Variants in XRN1 observed in about 807,000 individuals in gnomAD.
XRN1 encodes the protein strand-exchange protein 1 homolog.
A neutral mutation model predicts 222.3 loss-of-function variants in XRN1; 67 were observed. That is an observed-to-expected ratio of 0.30 (90% CI 0.25 to 0.37). The LOEUF (loss-of-function observed/expected upper bound fraction) is 0.37. XRN1 is among the 10% of genes least tolerant of loss of function. XRN1 has a pLI of 1.00. For synonymous variants in XRN1, 643 were observed against 652.4 expected, an observed-to-expected ratio of 0.99 and a Z score of 0.22; for missense variants, 1,707 against 2,000.2, an observed-to-expected ratio of 0.85 and a Z score of 2.80.
At chr3:142,413,176 A>G (rs567246827) in intron 14 of XRN1, among the ~76,000 whole-genome samples, 1 of 152,350 alleles carries the variant, frequency 6.6e-6, no homozygotes, top group South Asian at 2.1e-4. Flanking sequence ...AAATAGTCCA[A>G]TAACACATTT....
intron 2 of XRN1, among the ~76,000 whole-genome samples, chr3:142,428,541 T>G (rs191698110): frequency 1.3e-5 from 2 of 152,228 alleles, no homozygotes; most frequent in East Asian, 1.9e-4. Context: ...TAATCTAGAT[T>G]AAGATAATGG....
At chr3:142,322,024 C>T (rs1271325037) in intron 37 of XRN1, among the ~76,000 whole-genome samples, 1 of 152,152 alleles carries the variant, frequency 6.6e-6, no homozygotes, top group Non-Finnish European at 1.5e-5. Context: ...GTGGTGAAAG[C>T]AGGCATCTTT....
chr3:142,432,198 T>TATATATATAATTTA (rs1559880641), intron 2 of XRN1, among the ~76,000 whole-genome samples: 1 of 106,802 alleles, frequency 9.4e-6, no homozygotes, highest in African/African-American at 3.2e-5. Flanking sequence ...TAAAATTTAT[T>TATATATATAATTTA]TTATATATAA....
chr3:142,381,403 C>T (rs1323813118), intron 22 of XRN1, among the ~76,000 whole-genome samples: 1 of 152,008 alleles, frequency 6.6e-6, no homozygotes, highest in East Asian at 1.9e-4. Context: ...TGTCAGTTGA[C>T]CAAATAATGT....
chr3:142,421,410 C>CA (rs1289198909), intron 9 of XRN1, 66 bp downstream of exon 9: 1 of 1,310,634 alleles, frequency 7.6e-7, no homozygotes, highest in Admixed American at 2.3e-5. Context: ...TCTGGTATTA[C>CA]ATAATTGGTG....
At chr3:142,421,588 T>C in intron 8 of XRN1, 45 bp from the exon 9 acceptor site, 1 of 1,383,524 alleles carries the variant, frequency 7.2e-7, no homozygotes. Flanking sequence ...GCTGACATTT[T>C]TTCTAAACAA....
chr3:142,442,712 C>T (rs905246814), intron 1 of XRN1, among the ~76,000 whole-genome samples: 3 of 152,104 alleles, frequency 2.0e-5, no homozygotes, highest in East Asian at 1.9e-4. Context: ...GCAGGCCATA[C>T]ATTTCAATCC....
chr3:142,404,501 T>C (rs1365405403), intron 16 of XRN1, among the ~76,000 whole-genome samples: 1 of 152,218 alleles, frequency 6.6e-6, no homozygotes, highest in Non-Finnish European at 1.5e-5. Flanking sequence ...TTATTTCTTA[T>C]TTCCTTCTTT....
chr3:142,321,820 T>C (rs1195152846), intron 37 of XRN1, among the ~76,000 whole-genome samples: 1 of 152,208 alleles, frequency 6.6e-6, no homozygotes, highest in Non-Finnish European at 1.5e-5. Context: ...TCAGTTGATT[T>C]TGTATTCTGC....
intron 1 of XRN1, among the ~76,000 whole-genome samples, chr3:142,439,977 G>A (rs977282570): frequency 2.6e-5 from 4 of 152,234 alleles, no homozygotes; most frequent in East Asian, 1.9e-4. Flanking sequence ...AGGAGACGAA[G>A]GTCCTCTGAG....
Position 142,309,637 on chromosome 3 carries a change from T to C in XRN1, c.*1874A>G, listed in dbSNP as rs919948114. 7.9e-5 allele frequency: 12 copies of C among 152,258 alleles called. No individual in the cohort carries two copies. Among genetic ancestry groups the C allele is most frequent in the African/African-American group, 2.9e-4 (12 of 41,472 alleles). 9.4% of individuals were successfully genotyped at this position (152,258 alleles called of 1,614,324 possible). ...GTCTACTGAAATTTCCCTTTGGAGT[T>C]TTCAGAAGATGGCAGGTGCCGCTTC... On this transcript the variant is annotated 3_prime_UTR_variant, in exon 41 of 41. Coordinates refer to ENST00000392981, the MANE Select transcript of XRN1 (RefSeq NM_001282857.2).
chr3:142,354,481 T>C (rs1417132280), intron 32 of XRN1, among the ~76,000 whole-genome samples: 1 of 152,198 alleles, frequency 6.6e-6, no homozygotes, highest in East Asian at 1.9e-4. Context: ...CCCACATATA[T>C]GAGTTGCATT....
At chr3:142,319,258 G>C (rs1022636315) in intron 37 of XRN1, among the ~76,000 whole-genome samples, 2 of 152,114 alleles carry the variant, frequency 1.3e-5, no homozygotes, top group African/African-American at 2.4e-5. Context: ...CTTTCACACT[G>C]TAACTGTAGA....
chr3:142,403,653 A>C lies in XRN1; in HGVS notation c.2103+21T>G, dbSNP rs141971107. 503 of 1,599,912 alleles carry C rather than the reference A, an allele frequency of 3.1e-4. 2 individuals carry two copies. In the African/African-American group the frequency reaches 5.7e-3, roughly 18 times the overall value. On this transcript the variant is annotated intron_variant, in intron 18 of 40. Coordinates refer to ENST00000392981, the MANE Select transcript of XRN1 (RefSeq NM_001282857.2). ...ATACATTATAGGCATCTAATAAATG[A>C]ATGATAAATAAAATACTTACAAGTT... is the stretch of plus-strand genomic sequence containing the variant.
intron 39 of XRN1, among the ~76,000 whole-genome samples, chr3:142,317,821 A>G (rs754602537): frequency 3.3e-5 from 5 of 152,200 alleles, no homozygotes; most frequent in Non-Finnish European, 7.3e-5. Flanking sequence ...AGTCTCTTCT[A>G]CAGGCACTTT....
At chr3:142,440,288 T>A (rs1355333436) in intron 1 of XRN1, among the ~76,000 whole-genome samples, 2 of 152,246 alleles carry the variant, frequency 1.3e-5, no homozygotes, top group South Asian at 4.1e-4. Flanking sequence ...TCTTTTCACA[T>A]GCTTTTCTAA....
intron 10 of XRN1, 91 bp from the exon 11 acceptor site, chr3:142,418,972 T>C (rs996782864): frequency 3.3e-6 from 4 of 1,215,844 alleles, no homozygotes; most frequent in African/African-American, 3.0e-5. Context: ...TGCTTTTCTA[T>C]AGTTCTTCCA....
intron 40 of XRN1, 99 bp downstream of exon 40, chr3:142,312,499 T>A (rs901012819): frequency 1.1e-5 from 14 of 1,249,710 alleles, no homozygotes; most frequent in African/African-American, 1.5e-5. Context: ...GTACTGAACT[T>A]CTAGTTGGCA....
intron 37 of XRN1, among the ~76,000 whole-genome samples, chr3:142,326,638 A>C (rs577145425): frequency 2.0e-5 from 3 of 151,996 alleles, no homozygotes; most frequent in Non-Finnish European, 4.4e-5. Flanking sequence ...CTGTTGTCTA[A>C]TTGCTCTGGC....
Sources: allele counts gnomAD v4.1 joint callset (sites outside exome capture counted in the v4.1 genomes callset), GRCh38; gene constraint gnomAD v4.1.1; transcripts MANE v1.5; gene names NCBI Gene and HGNC (gene_info 2026-07-23, HGNC 2026-07-21).